SEMA3A: variants seen among roughly 807,000 people sequenced by gnomAD.
The protein encoded by SEMA3A is semaphorin-3A.
In SEMA3A, 29 loss-of-function variants were observed where a neutral mutation model predicts 97.9. The observed-to-expected ratio is 0.30, with a 90% confidence interval of 0.22 to 0.40. SEMA3A has a LOEUF of 0.40. SEMA3A is among the 10% of genes least tolerant of loss of function. SEMA3A has a pLI of 1.00. For missense variants in SEMA3A, 763 were observed against 951.3 expected (o/e 0.80, Z 2.60); for synonymous variants, 321 against 323.7 (o/e 0.99, Z 0.09).
intron 5 of SEMA3A, 27 bp downstream of exon 5, chr7:84,060,438 C>A: frequency 7.1e-7 from 1 of 1,405,778 alleles, no homozygotes; most frequent in South Asian, 1.3e-5. Context: ...AGAAAACTCA[C>A]TATTTAATTG....
intron 2 of SEMA3A, among the ~76,000 whole-genome samples, chr7:84,357,014 G>T (rs1210895098): frequency 6.6e-6 from 1 of 151,676 alleles, no homozygotes; most frequent in Non-Finnish European, 1.5e-5. Flanking sequence ...AGCAGCTATA[G>T]TATCAATATT....
At chr7:84,328,752 A>G (rs1228943364) in intron 2 of SEMA3A, among the ~76,000 whole-genome samples, 4 of 152,058 alleles carry the variant, frequency 2.6e-5, no homozygotes, top group Non-Finnish European at 5.9e-5. Flanking sequence ...AGATACTACC[A>G]GAAACACAGT....
At chr7:84,280,151 C>G (rs759610571) in intron 3 of SEMA3A, among the ~76,000 whole-genome samples, 7 of 152,124 alleles carry the variant, frequency 4.6e-5, no homozygotes, top group Admixed American at 1.3e-4. Context: ...TCCACCCTGG[C>G]CTTCCAAAGT....
chr7:84,302,598 T>A (rs1801045293), intron 3 of SEMA3A, among the ~76,000 whole-genome samples: 1 of 152,186 alleles, frequency 6.6e-6, no homozygotes, highest in Non-Finnish European at 1.5e-5. Flanking sequence ...TCTTGCTCCT[T>A]TAATTTTACT....
chr7:84,021,392 A>G (rs958124107), intron 6 of SEMA3A, among the ~76,000 whole-genome samples: 1 of 152,070 alleles, frequency 6.6e-6, no homozygotes, highest in Non-Finnish European at 1.5e-5. Context: ...TCTCGCCTTC[A>G]GCTTCTATAT....
At chr7:84,081,204 G>A in intron 4 of SEMA3A, among the ~76,000 whole-genome samples, 1 of 152,148 alleles carries the variant, frequency 6.6e-6, no homozygotes, top group South Asian at 2.1e-4. Flanking sequence ...CTGAAGAATG[G>A]ACTGATGGGG....
chr7:84,060,217 T>C (rs1354672222), intron 5 of SEMA3A, among the ~76,000 whole-genome samples: 3 of 152,186 alleles, frequency 2.0e-5, no homozygotes, highest in Non-Finnish European at 4.4e-5. Context: ...TGGGGCTGCA[T>C]AGTAATTGAG....
Position 83,981,275 on chromosome 7 carries a change from T to C in SEMA3A, c.1652+46A>G, listed in dbSNP as rs374226073. ...AAGCTATTTCAAACTTGGAATCAGA[T>C]AGGATAACTAGCAAACATTTCATTT... On this transcript the variant is annotated intron_variant, in intron 14 of 16. Coordinates refer to ENST00000265362, the MANE Select transcript of SEMA3A (RefSeq NM_006080.3). 233 of 1,595,982 alleles carry C rather than the reference T, an allele frequency of 1.5e-4. No homozygotes were observed. In the Middle Eastern group the frequency reaches 1.7e-3, roughly 11 times the overall value.
intron 3 of SEMA3A, among the ~76,000 whole-genome samples, chr7:84,128,204 A>G (rs1026115541): frequency 1.3e-5 from 2 of 152,030 alleles, no homozygotes; most frequent in Non-Finnish European, 2.9e-5. Context: ...TTCCTATTGC[A>G]TGGTCCTTTT....
At chr7:84,342,435 A>G (rs1187457989) in intron 2 of SEMA3A, among the ~76,000 whole-genome samples, 1 of 152,212 alleles carries the variant, frequency 6.6e-6, no homozygotes, top group Non-Finnish European at 1.5e-5. Context: ...AAGAAACTCT[A>G]TGTTCAAATG....
At chr7:84,109,807 G>A (rs1254258823) in intron 4 of SEMA3A, among the ~76,000 whole-genome samples, 2 of 152,096 alleles carry the variant, frequency 1.3e-5, no homozygotes, top group Non-Finnish European at 2.9e-5. Flanking sequence ...ATAATTGAAG[G>A]CTATTGATAA....
intron 6 of SEMA3A, among the ~76,000 whole-genome samples, chr7:84,039,046 A>G (rs1213890891): frequency 6.6e-6 from 1 of 152,162 alleles, no homozygotes; most frequent in Admixed American, 6.5e-5. Flanking sequence ...ACAAGCATAA[A>G]TTCCAGAGTT....
intron 14 of SEMA3A, among the ~76,000 whole-genome samples, chr7:83,980,623 A>AAAAAAAAAAAAT (rs1310318006): frequency 8.4e-5 from 6 of 71,754 alleles, no homozygotes; most frequent in African/African-American, 1.7e-4. Context: ...AAAAAAAAAA[A>AAAAAAAAAAAAT]ATATATATAT....
At chr7:84,100,312 A>G (rs573897159) in intron 4 of SEMA3A, among the ~76,000 whole-genome samples, 8 of 152,254 alleles carry the variant, frequency 5.3e-5, no homozygotes, top group Non-Finnish European at 1.2e-4. Flanking sequence ...TAATCATTTT[A>G]CTTTTCTTCT....
chr7:84,064,577 C>A (rs376948436), intron 4 of SEMA3A, among the ~76,000 whole-genome samples: 1 of 151,698 alleles, frequency 6.6e-6, no homozygotes, highest in Non-Finnish European at 1.5e-5. Context: ...GGAGGAAGAT[C>A]TACCAAGCAA....
intron 1 of SEMA3A, among the ~76,000 whole-genome samples, chr7:84,383,980 A>T (rs1803335562): frequency 6.6e-6 from 1 of 152,198 alleles, no homozygotes; most frequent in African/African-American, 2.4e-5. Context: ...TTGGCTAAAC[A>T]CAAGTTCACT....
chr7:84,007,686 G>A (rs557929444), intron 9 of SEMA3A, among the ~76,000 whole-genome samples, 189 bp from the exon 10 acceptor site: 1 of 152,222 alleles, frequency 6.6e-6, no homozygotes, highest in African/African-American at 2.4e-5. Context: ...AAAAAATTGT[G>A]ATTTCTTAAA....
At chr7:84,312,883 T>A in intron 2 of SEMA3A, among the ~76,000 whole-genome samples, 1 of 33,824 alleles carries the variant, frequency 3.0e-5, no homozygotes, top group Admixed American at 2.5e-4. Context: ...TATATATATA[T>A]ATATATATAT....
At chr7:84,406,026 G>A (rs1419539448) in intron 1 of SEMA3A, among the ~76,000 whole-genome samples, 1 of 152,144 alleles carries the variant, frequency 6.6e-6, no homozygotes, top group Non-Finnish European at 1.5e-5. Flanking sequence ...AAAGCTAGCA[G>A]AAGGCGAGAA....
Sources: gnomAD v4.1 joint callset for allele counts (sites outside exome capture counted in the v4.1 genomes callset) on GRCh38, gnomAD v4.1.1 for gene constraint, MANE v1.5 for transcripts, NCBI Gene and HGNC (gene_info 2026-07-23, HGNC 2026-07-21) for gene names.